RERE: variants seen among roughly 807,000 people sequenced by gnomAD.
RERE encodes arginine-glutamic acid dipeptide repeats.
A neutral mutation model predicts 146.1 loss-of-function variants in RERE; 40 were observed. That is an observed-to-expected ratio of 0.27 (90% CI 0.21 to 0.36). The LOEUF is 0.36. Among genes scored for constraint, RERE ranks in the 10% least tolerant of loss-of-function variants. RERE has a pLI of 1.00. For synonymous variants in RERE, 1,003 were observed against 866.0 expected, an observed-to-expected ratio of 1.16 and a Z score of -2.78; for missense variants, 1,933 against 2,138.7, an observed-to-expected ratio of 0.90 and a Z score of 1.90.
chr1:8,783,576 G>A lies in RERE; in HGVS notation c.-145+33584C>T, dbSNP rs531076600. Reference sequence around the variant, plus strand: ...ATAATGCACTATGGGAGGCCGAAGTGGGAGGACTGTTTGAACTCAGGAGTT... The same window carrying A: ...ATAATGCACTATGGGAGGCCGAAGTAGGAGGACTGTTTGAACTCAGGAGTT... On this transcript the variant is annotated intron_variant, in intron 1 of 22. Transcript: ENST00000400908. Among the ~76,000 whole-genome samples the A allele has an allele frequency of 1.2e-4, 18 of 152,190 alleles. No individual in the cohort carries two copies. In the East Asian group the frequency reaches 3.5e-3, roughly 29 times the overall value.
intron 10 of RERE, among the ~76,000 whole-genome samples, chr1:8,476,763 G>A (rs779378257): frequency 8.5e-5 from 13 of 152,180 alleles, no homozygotes; most frequent in African/African-American, 1.7e-4. Context: ...CAGGCTACAC[G>A]AGGCAGGGCG....
chr1:8,430,407 G>A (rs566200275), intron 11 of RERE, among the ~76,000 whole-genome samples: 4 of 152,184 alleles, frequency 2.6e-5, no homozygotes, highest in African/African-American at 7.2e-5. Flanking sequence ...TATTCCAGGA[G>A]AGCCAGTTAA....
At position 8,661,298 on chromosome 1, in the gene RERE, G is replaced by C. The variant is rs977109288; in HGVS notation, c.-144-4857C>G. 1.6e-4 allele frequency among the ~76,000 whole-genome samples: 24 copies of C among 152,172 alleles called. 1 individual carries two copies. Among genetic ancestry groups the C allele is most frequent in the Admixed American group, 1.2e-3 (19 of 15,280 alleles). The stretch of plus-strand genomic sequence containing the variant: ...AGAGGGGCAGGAATAGCACAAAAAG[G>C]GGGAGAGAGGTCAGAGATGAGTTCA... On this transcript the variant is annotated intron_variant, in intron 1 of 22. Transcript: ENST00000400908.
Position 8,356,326 on chromosome 1 carries a change from A to C in RERE, c.4340-80T>G. 1 of 1,375,910 alleles carries C rather than the reference A, an allele frequency of 7.3e-7. No individual in the cohort carries two copies. Among genetic ancestry groups the C allele is most frequent in the Non-Finnish European group, 9.4e-7 (1 of 1,059,818 alleles). The allele number at this position is 1,375,910 out of a possible 1,614,324, so 85.2% of individuals were successfully genotyped here. A position where few individuals can be genotyped will look rare whatever the true frequency, so the allele number is the denominator to read the frequency against. ...TCCCCCTTGGCTGGAATGACCGATG[A>C]CTTCCTCCTCACCCAGGATGGCTCC... On this transcript the variant is annotated intron_variant, in intron 20 of 22. Coordinates refer to ENST00000400908, the MANE Select transcript of RERE (RefSeq NM_001042681.2). The surrounding 1 kb of genome is among the most constrained non-coding windows in gnomAD (Gnocchi z 5.2).
chr1:8,597,257 T>G (rs1046815941), intron 4 of RERE, among the ~76,000 whole-genome samples: 6 of 151,982 alleles, frequency 3.9e-5, no homozygotes, highest in African/African-American at 1.5e-4. Flanking sequence ...CCCAGCTAAT[T>G]TTTATATTAT....
intron 1 of RERE, among the ~76,000 whole-genome samples, chr1:8,748,535 G>A (rs1038052365): frequency 6.6e-6 from 1 of 152,144 alleles, no homozygotes; most frequent in East Asian, 1.9e-4. Flanking sequence ...GTGCTCCAAC[G>A]CAAGTATATG....
At chr1:8,604,756 G>C (rs1243502332) in intron 4 of RERE, among the ~76,000 whole-genome samples, 1 of 151,622 alleles carries the variant, frequency 6.6e-6, no homozygotes, top group Non-Finnish European at 1.5e-5. Flanking sequence ...TAGCATTTAC[G>C]AACTTGCCAA....
intron 1 of RERE, among the ~76,000 whole-genome samples, chr1:8,789,700 C>T (rs1317652400): frequency 6.6e-6 from 1 of 152,122 alleles, no homozygotes; most frequent in African/African-American, 2.4e-5. Flanking sequence ...GGCACTATTC[C>T]TCCCCACAAA....
intron 10 of RERE, among the ~76,000 whole-genome samples, chr1:8,472,536 C>A (rs1644702343): frequency 6.6e-6 from 1 of 152,150 alleles, no homozygotes; most frequent in Non-Finnish European, 1.5e-5. Context: ...ACTTTGTAGC[C>A]ACAGAAAAGC....
At chr1:8,603,384 C>T (rs776936447) in intron 4 of RERE, among the ~76,000 whole-genome samples, 8 of 152,230 alleles carry the variant, frequency 5.3e-5, no homozygotes, top group Admixed American at 3.9e-4. Context: ...ACAGGAAAAC[C>T]GAGTCATTAC....
intron 2 of RERE, among the ~76,000 whole-genome samples, chr1:8,642,084 A>T (rs1203983229): frequency 6.6e-6 from 1 of 152,226 alleles, no homozygotes; most frequent in South Asian, 2.1e-4. Flanking sequence ...TATATTTTAA[A>T]TAATTTTATA....
chr1:8,588,151 T>C (rs1428491613), intron 4 of RERE, among the ~76,000 whole-genome samples: 1 of 152,210 alleles, frequency 6.6e-6, no homozygotes, highest in Non-Finnish European at 1.5e-5. Flanking sequence ...ATTCATTTCT[T>C]TTCCCTCCTG....
chr1:8,458,614 G>T (rs1253621630), intron 11 of RERE, among the ~76,000 whole-genome samples: 1 of 150,584 alleles, frequency 6.6e-6, no homozygotes, highest in African/African-American at 2.4e-5. Flanking sequence ...CGGCCCTAAA[G>T]AACAGCACAA....
In RERE at chr1:8,358,716, G is replaced by A. The variant is rs775815537; in HGVS notation, c.3819C>T (p.Pro1273=). ...HVMSPTNRNH[P]FYMPLNPTDP... is the part of the protein sequence containing the mutation. ...CCGTGGGGTTAAGGGGCATGTAGAA[G>A]GGGTGGTTGCGGTTGGTGGGCGACA... The change falls in exon 20 of 23, where the codon CCC becomes CCT. Residue 1273 remains proline (P), a synonymous_variant. Coordinates refer to ENST00000400908, the MANE Select transcript of RERE (RefSeq NM_001042681.2). 3.7e-6 allele frequency: 6 copies of A among 1,603,358 alleles called. No individual in the cohort carries two copies. The highest frequency in any genetic ancestry group is 2.2e-5 in the East Asian group (1 of 44,748).
At chr1:8,750,438 G>T in intron 1 of RERE, 1 of 820,366 alleles carries the variant, frequency 1.2e-6, no homozygotes, top group Non-Finnish European at 2.1e-6. Flanking sequence ...ACCATGGAGG[G>T]TGTTGAAGAG....
At chr1:8,750,549 T>C (rs550653235) in intron 1 of RERE, 1 of 1,003,544 alleles carries the variant, frequency 1.0e-6, no homozygotes, top group African/African-American at 1.6e-5. Flanking sequence ...GCCCAAAACA[T>C]GCTTTGAAAG....
intron 15 of RERE, chr1:8,363,639 G>A (rs1641682947): frequency 9.8e-6 from 2 of 204,750 alleles, no homozygotes; most frequent in East Asian, 1.4e-4. Context: ...TATGCAGTGA[G>A]CAGAAAAATG....
At chr1:8,594,124 C>T (rs531984766) in intron 4 of RERE, among the ~76,000 whole-genome samples, 1 of 152,280 alleles carries the variant, frequency 6.6e-6, no homozygotes, top group Admixed American at 6.5e-5. Flanking sequence ...TTTATTCTCA[C>T]ATGAGAATAA....
At chr1:8,779,035 C>T (rs1227949879) in intron 1 of RERE, among the ~76,000 whole-genome samples, 3 of 150,154 alleles carry the variant, frequency 2.0e-5, no homozygotes, top group African/African-American at 4.9e-5. Flanking sequence ...TTAGTAGAGA[C>T]GGGGTTTTGC....
Sources: allele counts gnomAD v4.1 joint callset (sites outside exome capture counted in the v4.1 genomes callset), GRCh38; gene constraint gnomAD v4.1.1; non-coding constraint Gnocchi (gnomAD v3.1); transcripts MANE v1.5; gene names NCBI Gene and HGNC (gene_info 2026-07-23, HGNC 2026-07-21).